DIP2C: variants seen among roughly 807,000 people sequenced by gnomAD.
DIP2C encodes DIP2 acetate--CoA ligase C (putative).
In DIP2C, 33 loss-of-function variants were observed where a neutral mutation model predicts 192.4. The ratio of observed to expected loss-of-function variants is 0.17; its 90% confidence interval spans 0.13 to 0.23. The LOEUF (loss-of-function observed/expected upper bound fraction) is 0.23. DIP2C is among the 10% of genes least tolerant of loss of function. DIP2C has a pLI of 1.00. For synonymous variants in DIP2C, 979 were observed against 864.1 expected, an observed-to-expected ratio of 1.13 and a Z score of -2.33; for missense variants, 1,537 against 2,110.1, an observed-to-expected ratio of 0.73 and a Z score of 5.32.
chr10:531,934 G>T (rs866535606), intron 1 of DIP2C, among the ~76,000 whole-genome samples: 1 of 152,246 alleles, frequency 6.6e-6, no homozygotes, highest in Non-Finnish European at 1.5e-5. Flanking sequence ...GTTTTAACTA[G>T]TTATAACTCT....
intron 10 of DIP2C, among the ~76,000 whole-genome samples, chr10:397,247 G>A (rs1201642559): frequency 2.0e-5 from 3 of 152,130 alleles, no homozygotes; most frequent in African/African-American, 7.2e-5. Context: ...TGTGCTAAAG[G>A]GGCCAGGCGC....
chr10:339,458 G>T (rs1395637156), intron 29 of DIP2C, among the ~76,000 whole-genome samples: 2 of 150,988 alleles, frequency 1.3e-5, no homozygotes, highest in African/African-American at 4.9e-5. Flanking sequence ...GTTATTGTGG[G>T]TTCACACGGA....
At chr10:449,351 T>TA (rs1381974737) in intron 3 of DIP2C, among the ~76,000 whole-genome samples, 4 of 152,130 alleles carry the variant, frequency 2.6e-5, no homozygotes, top group Non-Finnish European at 4.4e-5. Context: ...AACGATCAAG[T>TA]AAAGAAATGC....
At chr10:595,531 C>T (rs1461040152) in intron 1 of DIP2C, among the ~76,000 whole-genome samples, 1 of 152,144 alleles carries the variant, frequency 6.6e-6, no homozygotes, top group Non-Finnish European at 1.5e-5. Context: ...ACATCAATAT[C>T]CCACCAAGAG....
chr10:545,556 C>T (rs1312430378), intron 1 of DIP2C, among the ~76,000 whole-genome samples: 3 of 152,192 alleles, frequency 2.0e-5, no homozygotes, highest in East Asian at 1.9e-4. Flanking sequence ...ACGCCGTCTA[C>T]ACAGAATGGG....
At chr10:447,466 C>G (rs1482386172) in intron 3 of DIP2C, among the ~76,000 whole-genome samples, 2 of 150,070 alleles carry the variant, frequency 1.3e-5, no homozygotes, top group Non-Finnish European at 3.0e-5. Flanking sequence ...AGGACCCGCT[C>G]ACTCCCATCG....
intron 1 of DIP2C, chr10:668,691 C>G (rs921502114): frequency 4.6e-5 from 7 of 152,176 alleles, no homozygotes; most frequent in Non-Finnish European, 7.3e-5. Context: ...TGTACAGATT[C>G]TAAGTATGAA....
intron 13 of DIP2C, among the ~76,000 whole-genome samples, chr10:389,267 G>A (rs180808710): frequency 2.2e-4 from 33 of 152,262 alleles, no homozygotes; most frequent in Non-Finnish European, 4.3e-4. Context: ...CATCTCAGGA[G>A]GTTTCAGGGG....
intron 1 of DIP2C, among the ~76,000 whole-genome samples, chr10:569,558 GAAT>G (rs1260212913): frequency 6.6e-6 from 1 of 152,062 alleles, no homozygotes; most frequent in Non-Finnish European, 1.5e-5. Flanking sequence ...GTGAAATTGG[GAAT>G]AACATTCGGT....
intron 1 of DIP2C, among the ~76,000 whole-genome samples, chr10:501,017 T>C (rs1435794114): frequency 6.6e-6 from 1 of 152,232 alleles, no homozygotes; most frequent in Non-Finnish European, 1.5e-5. Flanking sequence ...AAGTTATATG[T>C]AATAAGCTCA....
intron 10 of DIP2C, among the ~76,000 whole-genome samples, chr10:391,420 C>T (rs1963446956): frequency 6.6e-6 from 1 of 152,242 alleles, no homozygotes; most frequent in Admixed American, 6.5e-5. Flanking sequence ...CTAACTGAAG[C>T]TTGCTGAAAC....
intron 29 of DIP2C, among the ~76,000 whole-genome samples, chr10:334,708 G>A (rs1957672881): frequency 6.6e-6 from 1 of 151,970 alleles, no homozygotes; most frequent in South Asian, 2.1e-4. Flanking sequence ...GAATTGCTCG[G>A]GTAACTCTAT....
Position 398,996 on chromosome 10 carries a change from G to A in DIP2C, c.1260+113C>T, listed in dbSNP as rs550617920. The A allele has an allele frequency of 7.3e-5, 66 of 899,248 alleles. 1 individual carries two copies. In the African/African-American group the frequency reaches 1.0e-3, roughly 14 times the overall value. 55.7% of individuals were successfully genotyped at this position (899,248 alleles called of 1,614,324 possible). A position where few individuals can be genotyped will look rare whatever the true frequency, so the allele number is the denominator to read the frequency against. On this transcript the variant is annotated intron_variant, in intron 10 of 36. Transcript: ENST00000280886. ...GACCGCATCCCTTATCGAGGCAACCGAAGGAAACCCAGGGCCCCAGAAACA... is the reference window on the plus strand; with the variant it reads ...GACCGCATCCCTTATCGAGGCAACCAAAGGAAACCCAGGGCCCCAGAAACA...
At chr10:483,331 G>A (rs1336094978) in intron 2 of DIP2C, among the ~76,000 whole-genome samples, 1 of 152,256 alleles carries the variant, frequency 6.6e-6, no homozygotes, top group Non-Finnish European at 1.5e-5. Flanking sequence ...CCTGCACAAA[G>A]GAAGTCACGT....
intron 10 of DIP2C, 70 bp downstream of exon 10, chr10:399,039 C>T (rs2133016314): frequency 7.4e-7 from 1 of 1,359,810 alleles, no homozygotes; most frequent in South Asian, 1.2e-5. Flanking sequence ...GACCCTCACC[C>T]AGCCGGGATA....
At chr10:496,759 T>TAC (rs1844867375) in intron 1 of DIP2C, among the ~76,000 whole-genome samples, 1 of 151,584 alleles carries the variant, frequency 6.6e-6, no homozygotes, top group African/African-American at 2.4e-5. Flanking sequence ...CTTAAATCTC[T>TAC]ACATTACTCG....
intron 17 of DIP2C, among the ~76,000 whole-genome samples, chr10:377,417 G>A (rs953087387): frequency 6.6e-6 from 1 of 152,220 alleles, no homozygotes. Flanking sequence ...GCACGTGGTT[G>A]GGTGAAATTA....
chr10:514,656 A>AC (rs142608047), intron 1 of DIP2C, among the ~76,000 whole-genome samples: 2,494 of 152,184 alleles, frequency 0.016, 73 homozygotes, highest in African/African-American at 0.057. Context: ...ACCGACCCTC[A>AC]CCACTGCTGC....
chr10:309,604 G>T (rs1016992291), intron 32 of DIP2C, among the ~76,000 whole-genome samples: 4 of 151,136 alleles, frequency 2.6e-5, no homozygotes. Context: ...TGTCACCCAG[G>T]CTGGAATGCA....
Sources: allele counts gnomAD v4.1 joint callset (sites outside exome capture counted in the v4.1 genomes callset), GRCh38; gene constraint gnomAD v4.1.1; transcripts MANE v1.5; gene names NCBI Gene and HGNC (gene_info 2026-07-23, HGNC 2026-07-21).